RBFOX3: variants seen among roughly 807,000 people sequenced by gnomAD.
RBFOX3 encodes the protein RNA binding protein fox-1 homolog 3.
Under a neutral mutation model 48.7 loss-of-function variants are expected in RBFOX3, and 17 were observed. The observed-to-expected ratio is 0.35, with a 90% CI of 0.24 to 0.52. The LOEUF (loss-of-function observed/expected upper bound fraction) is 0.52, where lower values mean the gene tolerates loss of function less well. Ranked by LOEUF, RBFOX3 falls within the 20% of genes least tolerant of loss-of-function variation. RBFOX3 has a pLI of 0.94. For missense variants in RBFOX3, 382 were observed against 497.5 expected, an observed-to-expected ratio of 0.77 and a Z score of 2.21; for synonymous variants, 212 against 209.5, an observed-to-expected ratio of 1.01 and a Z score of -0.10.
chr17:79,490,809 T>C (rs76647482), intron 1 of RBFOX3, among the ~76,000 whole-genome samples: 32,181 of 149,648 alleles, frequency 0.22, 3,545 homozygotes, highest in Middle Eastern at 0.24. Context: ...CTCTAGAAGG[T>C]TGGGGCCTTA....
At chr17:79,260,683 A>G (rs1027441112) in intron 3 of RBFOX3, among the ~76,000 whole-genome samples, 2 of 152,310 alleles carry the variant, frequency 1.3e-5, no homozygotes, top group Middle Eastern at 3.4e-3. Context: ...AGCTGCAGCC[A>G]GCTTGCCCGG....
chr17:79,313,913 C>T (rs2077187740), intron 2 of RBFOX3, among the ~76,000 whole-genome samples: 1 of 152,238 alleles, frequency 6.6e-6, no homozygotes, highest in African/African-American at 2.4e-5. Context: ...TACCTTCAGC[C>T]TCTGAAAAGA....
intron 2 of RBFOX3, among the ~76,000 whole-genome samples, chr17:79,312,286 G>GAAAA (rs10634324): frequency 1.2e-4 from 17 of 143,174 alleles, no homozygotes; most frequent in Non-Finnish European, 2.0e-4. Flanking sequence ...AGCAGATTAA[G>GAAAA]AAAAAAAAAA....
intron 2 of RBFOX3, among the ~76,000 whole-genome samples, chr17:79,354,482 A>C (rs2084582879): frequency 6.6e-6 from 1 of 152,236 alleles, no homozygotes; most frequent in South Asian, 2.1e-4. Context: ...GCATCTACAG[A>C]TACTCTCAGT....
intron 3 of RBFOX3, among the ~76,000 whole-genome samples, chr17:79,266,039 G>A (rs550061607): frequency 1.3e-5 from 2 of 152,246 alleles, no homozygotes; most frequent in Non-Finnish European, 2.9e-5. Flanking sequence ...CCAGAGGGCT[G>A]CTCACCCGGA....
At chr17:79,467,852 T>C (rs1213779578) in intron 2 of RBFOX3, among the ~76,000 whole-genome samples, 1 of 151,990 alleles carries the variant, frequency 6.6e-6, no homozygotes, top group Non-Finnish European at 1.5e-5. Flanking sequence ...CTCCGGGAAG[T>C]TGGCCTCCTC....
intron 2 of RBFOX3, among the ~76,000 whole-genome samples, chr17:79,422,291 C>T (rs2066553422): frequency 6.6e-6 from 1 of 152,056 alleles, no homozygotes; most frequent in Non-Finnish European, 1.5e-5. Context: ...GGTAAATCAT[C>T]CTATGGCCTC....
intron 2 of RBFOX3, among the ~76,000 whole-genome samples, chr17:79,413,325 G>T (rs139966532): frequency 6.6e-6 from 1 of 152,228 alleles, no homozygotes; most frequent in African/African-American, 2.4e-5. Context: ...CCAAAGGCAG[G>T]ATGTGGAGTC....
intron 2 of RBFOX3, among the ~76,000 whole-genome samples, chr17:79,332,464 T>G (rs2080467594): frequency 6.6e-6 from 1 of 151,854 alleles, no homozygotes; most frequent in Non-Finnish European, 1.5e-5. Context: ...CGTGAGCACC[T>G]GAGTCAATGA....
At chr17:79,522,749 G>A (rs976394233) in intron 1 of RBFOX3, among the ~76,000 whole-genome samples, 4 of 152,104 alleles carry the variant, frequency 2.6e-5, no homozygotes, top group East Asian at 3.9e-4. Context: ...GGCCAACATG[G>A]TAAAACCCTG....
chr17:79,189,383 C>T (rs773003154), intron 4 of RBFOX3, among the ~76,000 whole-genome samples: 1 of 152,238 alleles, frequency 6.6e-6, no homozygotes, highest in African/African-American at 2.4e-5. Flanking sequence ...TTCTTCCCTT[C>T]GACTACTGTG....
chr17:79,590,598 C>T (rs1348479994), intron 1 of RBFOX3, among the ~76,000 whole-genome samples: 1 of 152,128 alleles, frequency 6.6e-6, no homozygotes, highest in African/African-American at 2.4e-5. Flanking sequence ...GGAAGTCCGC[C>T]TCCCAGGACA....
chr17:79,656,794 GAA>G, the RBFOX3 span, among the ~76,000 whole-genome samples: 2 of 4,958 alleles, frequency 4.0e-4, no homozygotes, highest in Admixed American at 9.4e-3. Context: ...AAGAAAGAAA[GAA>G]AGAAAGAAAG....
chr17:79,404,047 G>A (rs1440603591), intron 2 of RBFOX3, among the ~76,000 whole-genome samples: 1 of 152,100 alleles, frequency 6.6e-6, no homozygotes. Flanking sequence ...CAAAGTGCTG[G>A]GATTACAGGC....
At chr17:79,104,334 T>C (rs183167022) in intron 6 of RBFOX3, among the ~76,000 whole-genome samples, 7 of 152,112 alleles carry the variant, frequency 4.6e-5, no homozygotes, top group East Asian at 1.9e-4. Context: ...ATGGTGGGGA[T>C]AGGGTGCCCA....
intron 3 of RBFOX3, among the ~76,000 whole-genome samples, chr17:79,285,809 A>G (rs760064287): frequency 2.0e-5 from 3 of 151,936 alleles, no homozygotes; most frequent in African/African-American, 2.4e-5. Flanking sequence ...TCAGCCTCCC[A>G]AGTGTCTGGG....
intron 3 of RBFOX3, among the ~76,000 whole-genome samples, chr17:79,285,749 T>C (rs2071718055): frequency 6.6e-6 from 1 of 152,216 alleles, no homozygotes; most frequent in Non-Finnish European, 1.5e-5. Flanking sequence ...AATGGTGCGA[T>C]CTCAGCTCAT....
chr17:79,456,193 C>T (rs367972410), intron 2 of RBFOX3, among the ~76,000 whole-genome samples: 43 of 152,350 alleles, frequency 2.8e-4, no homozygotes, highest in African/African-American at 9.6e-4. Flanking sequence ...CTCTCTCACG[C>T]AGTCTTTCTT....
At chr17:79,219,876 TG>T (rs1267629697) in intron 4 of RBFOX3, among the ~76,000 whole-genome samples, 1 of 151,820 alleles carries the variant, frequency 6.6e-6, no homozygotes, top group East Asian at 2.0e-4. Context: ...ATCTGAAGTT[TG>T]GGCTAGTGTA....
Sources: allele counts gnomAD v4.1 joint callset (sites outside exome capture counted in the v4.1 genomes callset), GRCh38; gene constraint gnomAD v4.1.1; transcripts MANE v1.5; gene names NCBI Gene and HGNC (gene_info 2026-07-23, HGNC 2026-07-21).